The following TSKU variants were observed in gnomAD, a reference collection of about 807,000 sequenced individuals.
TSKU encodes the protein tsukushi, small leucine rich proteoglycan.
A neutral mutation model predicts 11.2 loss-of-function variants in TSKU; 4 were observed. The observed-to-expected ratio is 0.36, with a 90% CI of 0.18 to 0.82. The LOEUF (loss-of-function observed/expected upper bound fraction) is 0.82. Ranked by LOEUF, TSKU falls within the 40% of genes least tolerant of loss-of-function variation. TSKU has a pLI of 0.50. For synonymous variants in TSKU, 220 were observed against 232.2 expected (o/e 0.95, Z 0.48); for missense variants, 407 against 482.5 (o/e 0.84, Z 1.47).
chr11:76,782,316 T>C (rs1003719064), upstream of TSKU: 2 of 151,462 alleles, frequency 1.3e-5, no homozygotes, highest in African/African-American at 2.4e-5. Context: ...AGGAGGTACA[T>C]TGCCCAATTT....
rs762611448 is a variant in TSKU at position 76,796,413 on chromosome 11, A to G, written c.797A>G (p.Lys266Arg). The G allele has an allele frequency of 6.2e-7, 1 of 1,613,506 alleles. No individual in the cohort carries two copies. The highest frequency in any genetic ancestry group is 8.5e-7 in the Non-Finnish European group (1 of 1,179,938). Residue 266 changes from lysine (K) to arginine (R), a missense_variant, in exon 2 of 2, where the codon AAG (lysine) becomes AGG (arginine). By Grantham distance (26) the Lys-to-Arg change is conservative. Transcript: ENST00000333090. This position sits in a 1 kb window ranked among gnomAD's most constrained non-coding sequence, Gnocchi z 4.1. ...LQVLDLSGNP[K>R]LNWAGAEVFS... ...GTCCTGGACCTGTCGGGCAACCCCA[A>G]GCTTAACTGGGCAGGAGCTGAGGTG...
intron 1 of TSKU, 60 bp downstream of exon 1, chr11:76,783,464 C>G (rs1944264493): frequency 6.6e-6 from 1 of 152,232 alleles, no homozygotes; most frequent in Non-Finnish European, 1.5e-5. Flanking sequence ...TCCCAAGTCC[C>G]CGATCCTAGC....
chr11:76,796,093 A>G lies in TSKU; in HGVS notation c.477A>G (p.Ala159=). 2 of 1,613,894 alleles carry G rather than the reference A, an allele frequency of 1.2e-6. No homozygotes were observed. The highest frequency in any genetic ancestry group is 1.7e-5 in the Admixed American group (1 of 60,014). ...SAFTTHSQGR[A]LHVDLSHNLI... is the part of the protein sequence containing the mutation. ...TCACGACGCACAGTCAGGGCCGGGCACTACACGTGGACCTCTCCCACAACC... is the reference window on the plus strand; with the variant it reads ...TCACGACGCACAGTCAGGGCCGGGCGCTACACGTGGACCTCTCCCACAACC... Residue 159 remains alanine, a synonymous_variant, in exon 2 of 2, where the codon GCA becomes GCG. Coordinates refer to ENST00000333090, the MANE Select transcript of TSKU (RefSeq NM_015516.4). This position sits in a 1 kb window ranked among gnomAD's most constrained non-coding sequence, Gnocchi z 4.1.
chr11:76,784,746 TGGG>T (rs774195231), intron 1 of TSKU, among the ~76,000 whole-genome samples: 17 of 41,802 alleles, frequency 4.1e-4, no homozygotes, highest in East Asian at 7.2e-4. Flanking sequence ...TGACCGGAGG[TGGG>T]GGGGGGGGGG....
chr11:76,783,759 C>T (rs1203328078), intron 1 of TSKU, among the ~76,000 whole-genome samples: 2 of 152,220 alleles, frequency 1.3e-5, no homozygotes, highest in Admixed American at 6.5e-5. Context: ...CTGCTTTGCG[C>T]CCGTGTCCAC....
intron 1 of TSKU, among the ~76,000 whole-genome samples, chr11:76,787,529 G>C (rs1249614111): frequency 6.6e-6 from 1 of 152,160 alleles, no homozygotes; most frequent in Non-Finnish European, 1.5e-5. Context: ...CTGTAAAGTA[G>C]ATATGACGCC....
In TSKU at chr11:76,784,073, ATTGG is replaced by A. The variant is rs539087520; in HGVS notation, c.-9+671_-9+674del. 469 of 152,264 alleles carry A rather than the reference ATTGG, an allele frequency of 3.1e-3. 1 individual carries two copies. The highest frequency in any genetic ancestry group is 4.1e-3 in the Admixed American group (63 of 15,280). 9.4% of individuals were successfully genotyped at this position (152,264 alleles called of 1,614,324 possible). ...CAGGACAGCAAGGGGCTGCGACGGG[ATTGG>A]TGGTCGGGGGATCGGCAGCGCCTGG... On this transcript the variant is annotated intron_variant, in intron 1 of 1. Transcript: ENST00000333090.
intron 1 of TSKU, among the ~76,000 whole-genome samples, chr11:76,790,500 C>T (rs554378938): frequency 2.0e-5 from 3 of 150,456 alleles, no homozygotes; most frequent in Non-Finnish European, 4.4e-5. Context: ...TTTAACTCCC[C>T]ATGACTTCTG....
At position 76,787,411 on chromosome 11, in the gene TSKU, G is replaced by A. The variant is rs145738923; in HGVS notation, c.-9+4007G>A. Reference sequence around the variant, plus strand: ...GTCCCTGCGATCATGTCATGGAGGAGGCCAGGTACTGGATGTCAGAATACC... The same window carrying A: ...GTCCCTGCGATCATGTCATGGAGGAAGCCAGGTACTGGATGTCAGAATACC... On this transcript the variant is annotated intron_variant, in intron 1 of 1. Transcript: ENST00000333090. Among the ~76,000 whole-genome samples the A allele has an allele frequency of 1.4e-4, 22 of 152,310 alleles. No individual in the cohort carries two copies. In the East Asian group the frequency reaches 3.5e-3, roughly 24 times the overall value.
rs200686423 is a variant in TSKU at position 76,796,643 on chromosome 11, C to T, written c.1027C>T (p.Arg343Trp). The T allele has an allele frequency of 2.5e-4, 363 of 1,453,774 alleles. No homozygotes were observed. Among genetic ancestry groups the T allele is most frequent in the Non-Finnish European group, 3.1e-4 (340 of 1,099,740 alleles). 90.1% of individuals were successfully genotyped at this position (1,453,774 alleles called of 1,614,324 possible). Reference protein sequence around the residue: ...PKVALHCVDTRDSAARGPTIL With the variant: ...PKVALHCVDTWDSAARGPTIL ...GGTGGCCCTGCACTGCGTAGACACC[C>T]GGGATTCTGCTGCCAGGGGCCCCAC... The change falls in exon 2 of 2, where the codon CGG becomes TGG. Residue 343 changes from arginine (R) to tryptophan (W), a missense_variant. Arg to Trp is a moderately radical substitution (Grantham distance 101). Transcript: ENST00000333090. This position sits in a 1 kb window ranked among gnomAD's most constrained non-coding sequence, Gnocchi z 4.1.
chr11:76,783,648 C>CTTTGTGCGGACACGTGCATCTCACG, intron 1 of TSKU, among the ~76,000 whole-genome samples: 1 of 152,180 alleles, frequency 6.6e-6, no homozygotes, highest in Non-Finnish European at 1.5e-5. Context: ...CCGTGTGGGT[C>CTTTGTGCGGACACGTGCATCTCACG]TTTGTGCGGA....
rs1164646221 is a variant in TSKU, at chr11:76,795,850, G to A, written c.234G>A (p.Leu78=). Residue 78 remains leucine, a synonymous_variant, in exon 2 of 2, where the codon TTG becomes TTA. Coordinates refer to ENST00000333090, the MANE Select transcript of TSKU (RefSeq NM_015516.4). ...TGGAGATGGTGAATGAGTCGGTGTT[G>A]GCGGGGCCGGGCTACACGACGTTGG... The part of the protein sequence containing the change: ...NRLEMVNESV[L]AGPGYTTLAG... 1.4e-5 allele frequency: 22 copies of A among 1,613,904 alleles called. No homozygotes were observed. The highest frequency in any genetic ancestry group is 1.9e-5 in the Non-Finnish European group (22 of 1,180,018).
intron 1 of TSKU, among the ~76,000 whole-genome samples, chr11:76,790,210 CAG>C (rs1177711827): frequency 6.6e-6 from 1 of 152,106 alleles, no homozygotes; most frequent in East Asian, 1.9e-4. Flanking sequence ...GAGACTTGTT[CAG>C]AGATGAGATG....
chr11:76,784,758 G>T (rs1565125848), intron 1 of TSKU, among the ~76,000 whole-genome samples: 1 of 131,278 alleles, frequency 7.6e-6, no homozygotes, highest in Non-Finnish European at 1.5e-5. Flanking sequence ...GGGGGGGGGG[G>T]GTGCTCAGAG....
At chr11:76,793,791 A>G (rs961543424) in intron 1 of TSKU, among the ~76,000 whole-genome samples, 8 of 152,092 alleles carry the variant, frequency 5.3e-5, no homozygotes, top group African/African-American at 1.9e-4. Context: ...ATTGGCCTCT[A>G]CAAAAGAAAG....
At chr11:76,786,239 G>A (rs1944311086) in intron 1 of TSKU, among the ~76,000 whole-genome samples, 1 of 152,238 alleles carries the variant, frequency 6.6e-6, no homozygotes, top group African/African-American at 2.4e-5. Context: ...CAAGGAGGTA[G>A]ACACAGATTC....
At chr11:76,788,424 C>T (rs550409853) in intron 1 of TSKU, among the ~76,000 whole-genome samples, 1 of 152,024 alleles carries the variant, frequency 6.6e-6, no homozygotes, top group East Asian at 1.9e-4. Flanking sequence ...TCAGCAGACA[C>T]CAGGGAAGTG....
Position 76,795,793 on chromosome 11 carries a change from C to T in TSKU, c.177C>T (p.Asp59=), listed in dbSNP as rs1323738838. ...PHIMPVPIPL[D]TAHLDLSSNR... ...TCATGCCGGTGCCCATCCCTCTGGACACAGCCCACTTGGACCTGTCCTCCA... is the reference window on the plus strand; with the variant it reads ...TCATGCCGGTGCCCATCCCTCTGGATACAGCCCACTTGGACCTGTCCTCCA... Residue 59 remains aspartate (D), a synonymous_variant, in exon 2 of 2, where the codon GAC becomes GAT. Transcript: ENST00000333090. 7 of 1,614,070 alleles carry T rather than the reference C, an allele frequency of 4.3e-6. No homozygotes were observed. Among genetic ancestry groups the T allele is most frequent in the Non-Finnish European group, 5.9e-6 (7 of 1,180,050 alleles).
intron 1 of TSKU, among the ~76,000 whole-genome samples, chr11:76,793,381 G>C (rs1195423660): frequency 1.3e-5 from 2 of 152,270 alleles, no homozygotes; most frequent in Non-Finnish European, 2.9e-5. Flanking sequence ...CAGAGGACAA[G>C]GCTGAGGCTT....
Sources: allele counts gnomAD v4.1 joint callset (sites outside exome capture counted in the v4.1 genomes callset), GRCh38; gene constraint gnomAD v4.1.1; non-coding constraint Gnocchi (gnomAD v3.1); transcripts MANE v1.5; gene names NCBI Gene and HGNC (gene_info 2026-07-23, HGNC 2026-07-21).